Variants in HESX1 observed in about 807,000 individuals in gnomAD.
HESX1 encodes the protein homeobox expressed in ES cells 1.
A neutral mutation model predicts 22.5 loss-of-function variants in HESX1; 11 were observed. The observed-to-expected ratio is 0.49, with a 90% CI of 0.31 to 0.81. The LOEUF is 0.81. Ranked by LOEUF, HESX1 falls within the 30% of genes least tolerant of loss-of-function variation. The pLI, the probability that HESX1 is intolerant of heterozygous loss-of-function variation, is 0.05. For missense variants in HESX1, 201 were observed against 212.6 expected (o/e 0.95, Z 0.34); for synonymous variants, 74 against 76.5 (o/e 0.97, Z 0.17).
upstream of HESX1, among the ~76,000 whole-genome samples, chr3:57,203,502 CTTGT>C (rs556237392): frequency 5.3e-5 from 8 of 152,084 alleles, 1 homozygote; most frequent in South Asian, 1.7e-3. Context: ...TGATTTTGGG[CTTGT>C]TTGTGGGAAG....
At chr3:57,217,951 C>T (rs964647228) in intron 1 of HESX1, among the ~76,000 whole-genome samples, 4 of 152,144 alleles carry the variant, frequency 2.6e-5, no homozygotes, top group African/African-American at 9.7e-5. Context: ...ATGTCCTCCT[C>T]ACACAGCTTG....
chr3:57,209,249 G>A (rs2060537754), intron 1 of HESX1, among the ~76,000 whole-genome samples: 1 of 152,180 alleles, frequency 6.6e-6, no homozygotes, highest in Non-Finnish European at 1.5e-5. Flanking sequence ...AGACACACAT[G>A]GCTAGCGGCT....
At position 57,199,830 on chromosome 3, in the gene HESX1, T is replaced by C. The variant is rs1412077914; in HGVS notation, c.89A>G (p.Asp30Gly). Residue 30 changes from aspartate (D) to glycine (G), a missense_variant, in exon 1 of 4, where the codon GAC (aspartate) becomes GGC (glycine). Physicochemically the swap from Asp to Gly is moderately conservative, Grantham distance 94. Coordinates refer to ENST00000295934, the MANE Select transcript of HESX1 (RefSeq NM_003865.3). ...SFSIERILGL[D>G]QKKDCVPLMK... ...TAATGGAACACAGTCTTTCTTCTGGTCCAGTCCTAAGATTCTCTCAATTGA... is the reference window on the plus strand; with the variant it reads ...TAATGGAACACAGTCTTTCTTCTGGCCCAGTCCTAAGATTCTCTCAATTGA... 1 of 1,613,972 alleles carries C rather than the reference T, an allele frequency of 6.2e-7. No individual in the cohort carries two copies. The highest frequency in any genetic ancestry group is 1.3e-5 in the African/African-American group (1 of 74,894).
At chr3:57,214,026 C>A (rs1005541532) in intron 1 of HESX1, among the ~76,000 whole-genome samples, 7 of 152,192 alleles carry the variant, frequency 4.6e-5, no homozygotes, top group African/African-American at 1.7e-4. Flanking sequence ...GAAATCATTT[C>A]TGCCTTCAAG....
At position 57,198,752 on chromosome 3, in the gene HESX1, C is replaced by T. The variant is rs141270468; in HGVS notation, c.357+1G>A. ...CATTATTGGGTGAAAAAACTTCCCACCTGGTTTTGAGTAAAAGCAGTTCTT... is the reference window on the plus strand; with the variant it reads ...CATTATTGGGTGAAAAAACTTCCCATCTGGTTTTGAGTAAAAGCAGTTCTT... On this transcript the variant is annotated splice_donor_variant, in intron 2 of 3. Coordinates refer to ENST00000295934, the MANE Select transcript of HESX1 (RefSeq NM_003865.3). LOFTEE classifies it high-confidence loss of function. The T allele has an allele frequency of 9.9e-6, 16 of 1,613,580 alleles. No individual in the cohort carries two copies. Among genetic ancestry groups the T allele is most frequent in the Non-Finnish European group, 2.5e-6 (3 of 1,179,832 alleles).
At chr3:57,213,256 G>A (rs1366311907) in intron 1 of HESX1, among the ~76,000 whole-genome samples, 2 of 152,146 alleles carry the variant, frequency 1.3e-5, no homozygotes, top group African/African-American at 4.8e-5. Flanking sequence ...AGGGGTGCAC[G>A]GAAATGCATG....
chr3:57,200,090 A>C, upstream of HESX1: 1 of 636,506 alleles, frequency 1.6e-6, no homozygotes. Flanking sequence ...GTCAATGAAC[A>C]CTTGCCCAGC....
chr3:57,199,616 T>A (rs1342064966), intron 1 of HESX1, 146 bp downstream of exon 1: 14 of 409,476 alleles, frequency 3.4e-5, no homozygotes, highest in Non-Finnish European at 3.6e-5. Flanking sequence ...CAACACTCTG[T>A]CTCAGAAAAA....
intron 1 of HESX1, among the ~76,000 whole-genome samples, chr3:57,213,235 A>G (rs1188999943): frequency 6.6e-6 from 1 of 152,214 alleles, no homozygotes; most frequent in Non-Finnish European, 1.5e-5. Flanking sequence ...CATACATGTT[A>G]GCACACATGC....
intron 1 of HESX1, among the ~76,000 whole-genome samples, chr3:57,222,121 C>T (rs181713876): frequency 3.3e-5 from 5 of 152,090 alleles, no homozygotes; most frequent in African/African-American, 1.2e-4. Flanking sequence ...TGAATTATCC[C>T]TGAGAGTCTT....
chr3:57,212,486 T>G (rs7626724), intron 1 of HESX1, among the ~76,000 whole-genome samples: 144,714 of 150,316 alleles, frequency 0.96, 69,716 homozygotes, highest in East Asian at 0.99. Flanking sequence ...TTGAACCAGG[T>G]AGGTAGAGGT....
Position 57,211,527 on chromosome 3 carries a change from C to CAAAAAAAAAA in HESX1, c.-110-11509_-110-11500dup, listed in dbSNP as rs61137408. ...TCTGGGTGACAGAGAGAGACCTTGTCAAAAAAAAAAAAAAAAAAAAAAAAG... is the reference window on the plus strand; with the variant it reads ...TCTGGGTGACAGAGAGAGACCTTGTCAAAAAAAAAAAAAAAAAAAAAAAAAAAAAAAAAAG... On this transcript the variant is annotated intron_variant, in intron 1 of 2. Transcript: ENST00000495160. Among the ~76,000 whole-genome samples, 183 of 31,978 alleles carry CAAAAAAAAAA rather than the reference C, an allele frequency of 5.7e-3. 41 individuals carry two copies. Among genetic ancestry groups the CAAAAAAAAAA allele is most frequent in the East Asian group, 0.025 (22 of 876 alleles). 21.0% of individuals were successfully genotyped at this position (31,978 alleles called of 152,430 possible). A position where few individuals can be genotyped will look rare whatever the true frequency, so the allele number is the denominator to read the frequency against.
At chr3:57,206,852 C>T (rs2060522447) in intron 1 of HESX1, among the ~76,000 whole-genome samples, 1 of 152,230 alleles carries the variant, frequency 6.6e-6, no homozygotes, top group South Asian at 2.1e-4. Flanking sequence ...GCATCTGAGG[C>T]CAGCCACCTC....
chr3:57,213,665 G>A (rs770728232), intron 1 of HESX1, among the ~76,000 whole-genome samples: 1 of 152,170 alleles, frequency 6.6e-6, no homozygotes, highest in Non-Finnish European at 1.5e-5. Flanking sequence ...GGTGGCTCAC[G>A]CCTGTAATCC....
At chr3:57,219,325 T>C (rs921666888) in intron 1 of HESX1, among the ~76,000 whole-genome samples, 2 of 152,218 alleles carry the variant, frequency 1.3e-5, no homozygotes, top group African/African-American at 4.8e-5. Flanking sequence ...ATAGGCCACA[T>C]GTATGACATC....
In HESX1 at chr3:57,198,507, T is replaced by A; in HGVS notation, c.358-15A>T. On this transcript the variant is annotated splice_polypyrimidine_tract_variant and intron_variant, in intron 2 of 3. Transcript: ENST00000295934. ...AACACTTCAATCTAAGAAAAAAAAA[T>A]GTTGATATTCAGTATGTCTCCAAAA... 1 of 1,429,668 alleles carries A rather than the reference T, an allele frequency of 7.0e-7. No homozygotes were observed. Among genetic ancestry groups the A allele is most frequent in the Non-Finnish European group, 9.8e-7 (1 of 1,018,120 alleles). 88.6% of individuals were successfully genotyped at this position (1,429,668 alleles called of 1,614,324 possible).
upstream of HESX1, among the ~76,000 whole-genome samples, chr3:57,202,352 G>C (rs2060495254): frequency 6.6e-6 from 1 of 151,650 alleles, no homozygotes; most frequent in Non-Finnish European, 1.5e-5. Context: ...TTGCTGGTTT[G>C]TTTGAGACGG....
At chr3:57,213,655 G>A (rs773070673) in intron 1 of HESX1, among the ~76,000 whole-genome samples, 2 of 152,186 alleles carry the variant, frequency 1.3e-5, no homozygotes, top group Non-Finnish European at 2.9e-5. Flanking sequence ...GGCCAGGCGC[G>A]GTGGCTCACG....
intron 1 of HESX1, among the ~76,000 whole-genome samples, chr3:57,207,858 G>T (rs148628672): frequency 6.6e-6 from 1 of 152,240 alleles, no homozygotes; most frequent in East Asian, 1.9e-4. Context: ...ATTTTGGGTC[G>T]TCATGAGAGC....
Sources: gnomAD v4.1 joint callset for allele counts (sites outside exome capture counted in the v4.1 genomes callset) on GRCh38, gnomAD v4.1.1 for gene constraint, MANE v1.5 for transcripts, NCBI Gene and HGNC (gene_info 2026-07-23, HGNC 2026-07-21) for gene names.